Variants in AGMO observed in about 807,000 individuals in gnomAD.
AGMO encodes the protein glyceryl-ether monooxygenase.
AGMO carries 75 observed loss-of-function variants against 60.2 expected under a neutral mutation model. The observed-to-expected ratio is 1.25, with a 90% CI of 1.03 to 1.51. AGMO has a LOEUF of 1.51. Ranked by LOEUF, AGMO falls within the 40% of genes most tolerant of loss-of-function variation. The pLI, the probability that AGMO is intolerant of heterozygous loss-of-function variation, is 0.00. For synonymous variants in AGMO, 261 were observed against 177.1 expected (o/e 1.47, Z -3.76); for missense variants, 763 against 525.5 (o/e 1.45, Z -4.42).
the AGMO span, among the ~76,000 whole-genome samples, chr7:15,132,109 A>T: frequency 6.6e-6 from 1 of 152,164 alleles, no homozygotes; most frequent in Non-Finnish European, 1.5e-5. Context: ...AGAGCCACAC[A>T]GAAGATACCA....
chr7:15,217,941 T>C (rs2128495859), intron 12 of AGMO, among the ~76,000 whole-genome samples: 1 of 152,190 alleles, frequency 6.6e-6, no homozygotes, highest in Admixed American at 6.6e-5. Flanking sequence ...TGAAGAATTG[T>C]TATGTAGGTA....
chr7:15,510,883 CAT>C (rs566580430), intron 3 of AGMO, among the ~76,000 whole-genome samples: 5,710 of 147,476 alleles, frequency 0.039, 164 homozygotes, highest in Non-Finnish European at 0.054. Flanking sequence ...ATAAATATAA[CAT>C]ATAATATATG....
At chr7:15,240,833 A>G (rs1782567889) in intron 12 of AGMO, among the ~76,000 whole-genome samples, 1 of 152,180 alleles carries the variant, frequency 6.6e-6, no homozygotes, top group Admixed American at 6.5e-5. Flanking sequence ...TTAGAATTTT[A>G]TTATTTAATT....
rs1284764608 is a variant in AGMO, at chr7:15,354,508, A to ACGCGTG, written c.1263+11005_1263+11006insCACGCG. Among the ~76,000 whole-genome samples, 119 of 66,172 alleles carry ACGCGTG rather than the reference A, an allele frequency of 1.8e-3. 6 individuals are homozygous for ACGCGTG. Among genetic ancestry groups the ACGCGTG allele is most frequent in the East Asian group, 3.1e-3 (4 of 1,302 alleles). 43.4% of individuals were successfully genotyped at this position (66,172 alleles called of 152,430 possible). A position where few individuals can be genotyped will look rare whatever the true frequency, so the allele number is the denominator to read the frequency against. ...TATATACACACGTGTATATATATAT[A>ACGCGTG]TATATATATATATATATATATATAT... On this transcript the variant is annotated intron_variant, in intron 12 of 12. Transcript: ENST00000342526.
rs1392280037 is a variant in AGMO, at chr7:15,317,927, G to A, written c.1263+47587C>T. Among the ~76,000 whole-genome samples, 132 of 126,756 alleles carry A rather than the reference G, an allele frequency of 1.0e-3. 1 individual carries two copies. Among genetic ancestry groups the A allele is most frequent in the Non-Finnish European group, 1.5e-3 (92 of 62,100 alleles). 83.2% of individuals were successfully genotyped at this position (126,756 alleles called of 152,430 possible). Reference sequence around the variant, plus strand: ...CACACGTATATATATATACACACACGTATATATATATATACACACACACAC... The same window carrying A: ...CACACGTATATATATATACACACACATATATATATATATACACACACACAC... On this transcript the variant is annotated intron_variant, in intron 12 of 12. Transcript: ENST00000342526.
intron 12 of AGMO, among the ~76,000 whole-genome samples, chr7:15,260,695 AACAACTGAAGAATACACATTCTATTC>A (rs938319801): frequency 6.6e-6 from 1 of 152,132 alleles, no homozygotes; most frequent in African/African-American, 2.4e-5. Context: ...CATTCTACCC[AACAACTGAAGAATACACATTCTATTC>A]ATTAGCACAT....
chr7:15,263,767 C>G (rs749274388), intron 12 of AGMO, among the ~76,000 whole-genome samples: 7 of 152,076 alleles, frequency 4.6e-5, no homozygotes, highest in Non-Finnish European at 1.0e-4. Flanking sequence ...TTTTCAGGAA[C>G]CTGGATGGAA....
intron 12 of AGMO, among the ~76,000 whole-genome samples, chr7:15,359,411 A>G (rs986115677): frequency 2.6e-5 from 4 of 151,816 alleles, no homozygotes; most frequent in Non-Finnish European, 4.4e-5. Context: ...GTGGTTTTCT[A>G]TTACTGTAGT....
the AGMO span, among the ~76,000 whole-genome samples, chr7:15,133,745 C>A: frequency 6.6e-6 from 1 of 152,062 alleles, no homozygotes. Context: ...CTTTGTTACA[C>A]CAGAATCCAA....
intron 3 of AGMO, among the ~76,000 whole-genome samples, chr7:15,538,975 AT>A (rs1167576235): frequency 6.6e-6 from 1 of 152,154 alleles, no homozygotes; most frequent in Non-Finnish European, 1.5e-5. Context: ...TTGAGGGGAT[AT>A]TATGGATTGC....
chr7:15,392,723 C>T (rs539379494), intron 6 of AGMO, among the ~76,000 whole-genome samples: 9 of 152,158 alleles, frequency 5.9e-5, no homozygotes, highest in Non-Finnish European at 1.0e-4. Context: ...CACTTGAACC[C>T]GGTAGGCGGA....
At chr7:15,427,425 C>T (rs1388416744) in intron 4 of AGMO, among the ~76,000 whole-genome samples, 1 of 152,144 alleles carries the variant, frequency 6.6e-6, no homozygotes, top group African/African-American at 2.4e-5. Flanking sequence ...CCCACAGGTA[C>T]ATTAGTATTA....
intron 12 of AGMO, among the ~76,000 whole-genome samples, chr7:15,238,144 A>G (rs771952708): frequency 1.1e-4 from 17 of 151,754 alleles, no homozygotes; most frequent in Admixed American, 2.6e-4. Context: ...TCTTTTTTTC[A>G]GTAGTATTGA....
At chr7:15,138,255 T>G in the AGMO span, among the ~76,000 whole-genome samples, 1 of 152,224 alleles carries the variant, frequency 6.6e-6, no homozygotes, top group East Asian at 1.9e-4. Context: ...CTTTGTTTTA[T>G]TCTCTTATGT....
At chr7:15,295,110 A>G (rs1784373213) in intron 12 of AGMO, among the ~76,000 whole-genome samples, 3 of 151,948 alleles carry the variant, frequency 2.0e-5, no homozygotes, top group Non-Finnish European at 2.9e-5. Flanking sequence ...TAATAAAAAC[A>G]TCCATATTGA....
At chr7:15,553,605 AT>A (rs1469827958) in intron 2 of AGMO, among the ~76,000 whole-genome samples, 1 of 152,038 alleles carries the variant, frequency 6.6e-6, no homozygotes, top group Non-Finnish European at 1.5e-5. Flanking sequence ...TTTTAAAAAA[AT>A]ATGCTATCTT....
chr7:15,217,682 T>C (rs910806142), intron 12 of AGMO, among the ~76,000 whole-genome samples: 13 of 151,288 alleles, frequency 8.6e-5, no homozygotes, highest in Non-Finnish European at 1.5e-4. Flanking sequence ...CAGAAGAAAA[T>C]AATGCAAGAT....
chr7:15,314,947 T>C (rs940821640), intron 12 of AGMO, among the ~76,000 whole-genome samples: 1 of 152,184 alleles, frequency 6.6e-6, no homozygotes, highest in Non-Finnish European at 1.5e-5. Context: ...TTGCTGGCTC[T>C]AATCTGTAGG....
At chr7:15,471,509 C>G (rs1220232225) in intron 3 of AGMO, among the ~76,000 whole-genome samples, 1 of 151,872 alleles carries the variant, frequency 6.6e-6, no homozygotes, top group Non-Finnish European at 1.5e-5. Context: ...CTCAACCACA[C>G]TTGGCAGGGC....
Sources: allele counts gnomAD v4.1 joint callset (sites outside exome capture counted in the v4.1 genomes callset), GRCh38; gene constraint gnomAD v4.1.1; transcripts MANE v1.5; gene names NCBI Gene and HGNC (gene_info 2026-07-23, HGNC 2026-07-21).